The following LMF1 variants were observed in gnomAD, a reference collection of about 807,000 sequenced individuals.
LMF1 encodes lipase maturation factor 1, also known as transmembrane protein 112.
A neutral mutation model predicts 60.6 loss-of-function variants in LMF1; 68 were observed. The ratio of observed to expected loss-of-function variants is 1.12; its 90% CI spans 0.92 to 1.37. LMF1 has a LOEUF of 1.37. Among genes scored for constraint, LMF1 ranks in the 40% most tolerant of loss-of-function variants. LMF1 has a pLI of 0.00. For missense variants in LMF1, 948 were observed against 767.2 expected (o/e 1.24, Z -2.78); for synonymous variants, 418 against 324.7 (o/e 1.29, Z -3.09).
At chr16:861,112 CGTGTCTCTAGGT>C (rs2069451193) in intron 10 of LMF1, among the ~76,000 whole-genome samples, 1 of 152,086 alleles carries the variant, frequency 6.6e-6, no homozygotes, top group African/African-American at 2.4e-5. Context: ...CGAACGCGGC[CGTGTCTCTAGGT>C]GTGTGCTGAC....
chr16:881,683 G>T (rs1347219991), intron 5 of LMF1, among the ~76,000 whole-genome samples: 1 of 152,210 alleles, frequency 6.6e-6, no homozygotes, highest in Non-Finnish European at 1.5e-5. Flanking sequence ...AGAAGAACCG[G>T]AATGCCTGGT....
intron 10 of LMF1, among the ~76,000 whole-genome samples, chr16:866,007 G>A (rs1285587608): frequency 2.0e-5 from 3 of 152,202 alleles, no homozygotes; most frequent in African/African-American, 4.8e-5. Flanking sequence ...TGCTGAGGCT[G>A]TATTTTTTAT....
intron 3 of LMF1, among the ~76,000 whole-genome samples, chr16:921,749 G>A (rs117931447): frequency 0.017 from 2,556 of 152,276 alleles, 37 homozygotes; most frequent in Non-Finnish European, 0.027. Flanking sequence ...CGGGGGACAC[G>A]GGCGAGGAGA....
At chr16:854,743 G>A (rs1333080352) in intron 10 of LMF1, 37 bp from the exon 11 acceptor site, 1 of 1,544,126 alleles carries the variant, frequency 6.5e-7, no homozygotes, top group South Asian at 1.2e-5. Flanking sequence ...GGCCTGCTGG[G>A]ACTCCCGGCC....
chr16:928,050 C>G (rs757407960), intron 3 of LMF1, among the ~76,000 whole-genome samples: 103 of 152,214 alleles, frequency 6.8e-4, no homozygotes, highest in Non-Finnish European at 1.2e-3. Flanking sequence ...CGACAAATAA[C>G]CGAATTCCAG....
intron 5 of LMF1, among the ~76,000 whole-genome samples, chr16:891,968 C>T (rs1195237489): frequency 2.6e-5 from 4 of 152,222 alleles, no homozygotes; most frequent in African/African-American, 7.2e-5. Context: ...GAGGAGCTCA[C>T]GGGTCCTCAG....
rs1306251589 is a variant in LMF1 at position 947,748 on chromosome 16, ACAGT to A, written c.503+6605_503+6608del. ...CCACTGCCAAAGCCAAGCGCGGATG[ACAGT>A]CAGAGCCAACGAGAGAGTCAGAGCC... On this transcript the variant is annotated intron_variant, in intron 2 of 10. Coordinates refer to ENST00000262301, the MANE Select transcript of LMF1 (RefSeq NM_022773.4). 5 of 363,462 alleles carry A rather than the reference ACAGT, an allele frequency of 1.4e-5. No homozygotes were observed. The East Asian group carries it at 2.9e-4, about 21-fold the overall frequency. The allele number at this position is 363,462 out of a possible 1,614,324, so 22.5% of individuals were successfully genotyped here.
chr16:908,285 A>C (rs947192651), intron 4 of LMF1, among the ~76,000 whole-genome samples: 4 of 152,194 alleles, frequency 2.6e-5, no homozygotes, highest in African/African-American at 9.6e-5. Flanking sequence ...TTTCTAATTA[A>C]ATGGAAAAGT....
intron 4 of LMF1, among the ~76,000 whole-genome samples, chr16:907,197 C>T (rs771269010): frequency 3.3e-5 from 5 of 151,934 alleles, no homozygotes; most frequent in South Asian, 2.1e-4. Flanking sequence ...GTCAGGAGGT[C>T]GAGACCATCC....
intron 6 of LMF1, among the ~76,000 whole-genome samples, chr16:876,913 C>A (rs1164432184): frequency 6.6e-6 from 1 of 152,264 alleles, no homozygotes; most frequent in Middle Eastern, 3.4e-3. Context: ...GAGAAAAACA[C>A]AAAGATGTGG....
At position 962,555 on chromosome 16, in the gene LMF1, G is replaced by A. The variant is rs1333954913; in HGVS notation, c.194-7889C>T. ...GATACGGTGTGACGGGAAGGGCCCC[G>A]CACCTCTGTGGGCGTCTTCCCAAAA... On this transcript the variant is annotated intron_variant, in intron 1 of 10. Transcript: ENST00000262301. The surrounding 1 kb of genome is among the most constrained non-coding windows in gnomAD (Gnocchi z 4.5). Among the ~76,000 whole-genome samples, 3 of 152,166 alleles carry A rather than the reference G, an allele frequency of 2.0e-5. No individual in the cohort carries two copies. Among genetic ancestry groups the A allele is most frequent in the Non-Finnish European group, 2.9e-5 (2 of 68,028 alleles).
At chr16:934,568 C>A in intron 2 of LMF1, 2 of 388,250 alleles carry the variant, frequency 5.2e-6, no homozygotes, top group East Asian at 1.1e-4. Flanking sequence ...CAATTAAATG[C>A]CACGGCAAAT....
At chr16:905,505 TA>T (rs2070953189) in intron 4 of LMF1, among the ~76,000 whole-genome samples, 1 of 152,254 alleles carries the variant, frequency 6.6e-6, no homozygotes, top group African/African-American at 2.4e-5. Context: ...AGCATTTCCC[TA>T]ATAGCCAGTG....
intron 5 of LMF1, among the ~76,000 whole-genome samples, chr16:888,190 C>T (rs1052019628): frequency 6.6e-6 from 1 of 152,114 alleles, no homozygotes; most frequent in African/African-American, 2.4e-5. Flanking sequence ...GGTACTCCTG[C>T]AGGCAGCAAG....
At chr16:933,577 A>G (rs962793168) in intron 3 of LMF1, 3 of 189,570 alleles carry the variant, frequency 1.6e-5, no homozygotes, top group African/African-American at 2.4e-5. Flanking sequence ...CTTTACCAGC[A>G]AAGACCGGCC....
At chr16:862,002 C>T (rs948941652) in intron 10 of LMF1, among the ~76,000 whole-genome samples, 1 of 152,150 alleles carries the variant, frequency 6.6e-6, no homozygotes, top group Non-Finnish European at 1.5e-5. Flanking sequence ...TTAAACTTGT[C>T]ACGGGCCTTC....
intron 10 of LMF1, among the ~76,000 whole-genome samples, chr16:865,649 G>T (rs2069591123): frequency 6.6e-6 from 1 of 152,192 alleles, no homozygotes; most frequent in African/African-American, 2.4e-5. Flanking sequence ...TTTAGGGTTT[G>T]CTCAGTTTAT....
intron 4 of LMF1, among the ~76,000 whole-genome samples, chr16:909,715 C>T (rs537086371): frequency 1.3e-5 from 2 of 152,212 alleles, no homozygotes; most frequent in Non-Finnish European, 2.9e-5. Flanking sequence ...CCCAAGTGTC[C>T]GCAGCTGCCC....
At chr16:953,213 AC>A (rs2072539712) in intron 2 of LMF1, among the ~76,000 whole-genome samples, 1 of 109,820 alleles carries the variant, frequency 9.1e-6, no homozygotes, top group Non-Finnish European at 2.0e-5. Flanking sequence ...CCACACAGAC[AC>A]CCACCCCAAA....
Sources: allele counts gnomAD v4.1 joint callset (sites outside exome capture counted in the v4.1 genomes callset), GRCh38; gene constraint gnomAD v4.1.1; non-coding constraint Gnocchi (gnomAD v3.1); transcripts MANE v1.5; gene names NCBI Gene and HGNC (gene_info 2026-07-23, HGNC 2026-07-21).